Variants in PRB2 observed in about 807,000 individuals in gnomAD.
PRB2 encodes the protein basic salivary proline-rich protein 2.
A neutral mutation model predicts 8.3 loss-of-function variants in PRB2; 12 were observed. That is an observed-to-expected ratio of 1.45 (90% confidence interval 0.93 to 2.35). The LOEUF (loss-of-function observed/expected upper bound fraction) is 2.35. Among genes scored for constraint, PRB2 ranks in the 30% most tolerant of loss-of-function variants. The probability of loss-of-function intolerance (pLI) is 0.00; values close to 1 mark genes in which losing one functional copy is unlikely to be tolerated. For missense variants in PRB2, 470 were observed against 507.0 expected, an observed-to-expected ratio of 0.93 and a Z score of 0.70; for synonymous variants, 146 against 180.0, an observed-to-expected ratio of 0.81 and a Z score of 1.51.
intron 1 of PRB2, among the ~76,000 whole-genome samples, chr12:11,395,097 T>G (rs1320404176): frequency 1.3e-5 from 2 of 152,158 alleles, no homozygotes; most frequent in East Asian, 3.9e-4. Flanking sequence ...TCATCGATGC[T>G]GATGCACTGT....
intron 2 of PRB2, among the ~76,000 whole-genome samples, chr12:11,394,248 C>T (rs117802574): frequency 1.1e-3 from 169 of 152,268 alleles, no homozygotes; most frequent in Non-Finnish European, 2.2e-3. Context: ...CCAGCAGGCA[C>T]TCCTGGCCAG....
chr12:11,394,624 C>T (rs935495828), intron 1 of PRB2, 94 bp from the exon 2 acceptor site: 8 of 1,434,996 alleles, frequency 5.6e-6, no homozygotes, highest in Admixed American at 3.4e-5. Flanking sequence ...TCTCACCACA[C>T]CCCATGCATC....
intron 2 of PRB2, 81 bp downstream of exon 2, chr12:11,394,414 G>A: frequency 1.3e-6 from 2 of 1,508,556 alleles, no homozygotes; most frequent in East Asian, 2.3e-5. Flanking sequence ...GGAAAGTTTT[G>A]ATAAGAAGAC....
chr12:11,394,002 A>G lies in PRB2; in HGVS notation c.101-25T>C, dbSNP rs1262413667. 6.8e-6 allele frequency: 11 copies of G among 1,613,858 alleles called. No individual in the cohort carries two copies. The South Asian group carries it at 8.8e-5, about 13-fold the overall frequency. ...CCTGGAGAACAAAGAGAGAAGAGAA[A>G]GACAGAGTAAAAGCCCATACAAGAT... is the stretch of plus-strand genomic sequence containing the variant. On this transcript the variant is annotated intron_variant, in intron 2 of 3. Transcript: ENST00000389362.
rs1242506201 is a variant in PRB2, at chr12:11,392,829, A to C, written c.1249T>G (p.Ter417GlyextTer10). The C allele has an allele frequency of 2.6e-6, 4 of 1,515,870 alleles. No individual in the cohort carries two copies. The highest frequency in any genetic ancestry group is 4.2e-5 in the Admixed American group (2 of 48,134). 93.9% of individuals were successfully genotyped at this position (1,515,870 alleles called of 1,614,324 possible). Residue 417 changes from the stop codon to glycine (G), a stop_lost, in exon 3 of 4, where the codon TGA becomes GGA. Transcript: ENST00000389362. ...ATCCTAGATGACTGGGGAGGCTGTC[A>C]CTGGGGAGGTCTGGAAGGTCTGCCC... ...QGGRPSRPPQ[*>G]
intron 1 of PRB2, among the ~76,000 whole-genome samples, chr12:11,395,091 C>T (rs956937489): frequency 2.0e-5 from 3 of 152,130 alleles, no homozygotes; most frequent in Non-Finnish European, 2.9e-5. Context: ...TCGCCGTCAT[C>T]GATGCTGATG....
At chr12:11,395,068 CTG>C (rs1411638041) in intron 1 of PRB2, among the ~76,000 whole-genome samples, 9 of 152,144 alleles carry the variant, frequency 5.9e-5, no homozygotes, top group African/African-American at 2.2e-4. Flanking sequence ...ATCTCTGATA[CTG>C]TGTGTGTCTA....
Position 11,394,491 on chromosome 12 carries a change from T to A in PRB2, c.100+4A>T. 6.2e-7 allele frequency: 1 copy of A among 1,612,732 alleles called. No individual in the cohort carries two copies. Among genetic ancestry groups the A allele is most frequent in the Non-Finnish European group, 8.5e-7 (1 of 1,178,734 alleles). On this transcript the variant is annotated splice_donor_region_variant and intron_variant, in intron 2 of 3. Transcript: ENST00000389362. ...GAACAGATTGAGAATGAATCGGGAT[T>A]TACCTGCTATTAGGGAGGGAGATTC...
In PRB2 at chr12:11,391,666, G is replaced by A. The variant is rs1249386454; in HGVS notation, c.*34-18C>T. On this transcript the variant is annotated intron_variant, in intron 3 of 3. Transcript: ENST00000389362. ...TTCACTTCCTGAAACAAACAAACAA[G>A]GAAGTTCATAGACCAGACTTGACAT... 2.3e-6 allele frequency: 1 copy of A among 429,780 alleles called. No homozygotes were observed. Among genetic ancestry groups the A allele is most frequent in the Non-Finnish European group, 4.6e-6 (1 of 216,002 alleles). The allele number at this position is 429,780 out of a possible 1,614,324, so 26.6% of individuals were successfully genotyped here. A position where few individuals can be genotyped will look rare whatever the true frequency, so the allele number is the denominator to read the frequency against.
rs397832893 is a variant in PRB2 at position 11,395,453 on chromosome 12, C to G, written c.64+13G>C. ...AAGCAGAGTCACCACATCTTCTCCC[C>G]CTTCTGTTTTACCTTCATTTAAGTT... is the stretch of plus-strand genomic sequence containing the variant. On this transcript the variant is annotated intron_variant, in intron 1 of 3. Transcript: ENST00000389362. 3.1e-6 allele frequency: 5 copies of G among 1,613,850 alleles called. No homozygotes were observed. Among genetic ancestry groups the G allele is most frequent in the East Asian group, 2.2e-5 (1 of 44,874 alleles).
At position 11,392,882 on chromosome 12, in the gene PRB2, G is replaced by A. The variant is rs1262386015; in HGVS notation, c.1196C>T (p.Pro399Leu). The A allele has an allele frequency of 1.3e-6, 2 of 1,593,292 alleles. No individual in the cohort carries two copies. The highest frequency in any genetic ancestry group is 2.3e-5 in the East Asian group (1 of 44,078). ...TTGAGGAGGGCGTGGTGGTCCCTGG[G>A]GCTGTCCAGCAGGAGGTGCCTGAGG... ...QQPQAPPAGQPQGPPRPPQGG... is the reference protein window; with the variant it reads ...QQPQAPPAGQLQGPPRPPQGG... The change falls in exon 3 of 4, where the codon CCC becomes CTC. Residue 399 changes from proline (P) to leucine (L), a missense_variant. Pro to Leu is a moderately conservative substitution (Grantham distance 98, BLOSUM62 -3). Coordinates refer to ENST00000389362, the MANE Select transcript of PRB2 (RefSeq NM_006248.4).
In PRB2 at chr12:11,392,928, C is replaced by G; in HGVS notation, c.1150G>C (p.Ala384Pro). 1.2e-6 allele frequency: 2 copies of G among 1,607,958 alleles called. No homozygotes were observed. Among genetic ancestry groups the G allele is most frequent in the East Asian group, 2.2e-5 (1 of 44,514 alleles). ...GNNPQGPPPP[A>P]GGNPQQPQAP... ...TGAGGCTGCTGGGGATTGCCTCCTG[C>G]TGGAGGTGGGGGACCTTGAGGATTG... is the stretch of plus-strand genomic sequence containing the variant. The change falls in exon 3 of 4, where the codon GCA becomes CCA. Residue 384 changes from alanine (A) to proline (P), a missense_variant. Ala to Pro is a conservative substitution (Grantham distance 27, BLOSUM62 -1). This residue lies in a region of PRB2 where 205 missense variants were observed against 195.0 expected (regional missense o/e 1.05). Coordinates refer to ENST00000389362, the MANE Select transcript of PRB2 (RefSeq NM_006248.4).
At position 11,391,552 on chromosome 12, in the gene PRB2, T is replaced by G; in HGVS notation, c.*130A>C. 2.6e-6 allele frequency: 1 copy of G among 379,886 alleles called. No individual in the cohort carries two copies. Among genetic ancestry groups the G allele is most frequent in the South Asian group, 2.0e-5 (1 of 51,178 alleles). The allele number at this position is 379,886 out of a possible 1,614,324, so 23.5% of individuals were successfully genotyped here. ...CCACAATCAGAAATTGCAAGCTAAT[T>G]ATTTTATTGGTATACAGAAGTTAGA... On this transcript the variant is annotated 3_prime_UTR_variant, in exon 4 of 4. Coordinates refer to ENST00000389362, the MANE Select transcript of PRB2 (RefSeq NM_006248.4).
At chr12:11,394,254 G>T (rs536707886) in intron 2 of PRB2, among the ~76,000 whole-genome samples, 1 of 152,242 alleles carries the variant, frequency 6.6e-6, no homozygotes, top group Non-Finnish European at 1.5e-5. Flanking sequence ...GGCACTCCTG[G>T]CCAGGGGGAT....
intron 3 of PRB2, among the ~76,000 whole-genome samples, chr12:11,392,089 T>C (rs1864332295): frequency 2.3e-5 from 1 of 43,730 alleles, no homozygotes; most frequent in Non-Finnish European, 4.2e-5. Context: ...CTTAGCTTCA[T>C]AGACGTATGT....
chr12:11,394,072 C>T, intron 2 of PRB2, 95 bp from the exon 3 acceptor site: 2 of 1,514,074 alleles, frequency 1.3e-6, no homozygotes, highest in Non-Finnish European at 1.8e-6. Context: ...GGGTAACAAG[C>T]TGAGTGGGGA....
At chr12:11,391,774 C>A (rs1391676120) in intron 3 of PRB2, 126 bp from the exon 4 acceptor site, 2 of 216,456 alleles carry the variant, frequency 9.2e-6, no homozygotes, top group South Asian at 6.0e-5. Context: ...TCCCTTCTAC[C>A]TCCTGTGTTT....
intron 1 of PRB2, among the ~76,000 whole-genome samples, 185 bp from the exon 2 acceptor site, chr12:11,394,715 C>T (rs187541743): frequency 0.017 from 2,625 of 152,230 alleles, 82 homozygotes; most frequent in African/African-American, 0.058. Context: ...GTTGTTATGA[C>T]AGAGCAACAG....
At chr12:11,395,437 C>T (rs1377900032) in intron 1 of PRB2, 29 bp downstream of exon 1, 1 of 1,613,760 alleles carries the variant, frequency 6.2e-7, no homozygotes, top group South Asian at 1.1e-5. Context: ...CAAGCAGAGT[C>T]ACCACATCTT....
Sources: allele counts gnomAD v4.1 joint callset (sites outside exome capture counted in the v4.1 genomes callset), GRCh38; gene constraint gnomAD v4.1.1; regional missense constraint gnomAD v4.1.1; transcripts MANE v1.5; gene names NCBI Gene and HGNC (gene_info 2026-07-23, HGNC 2026-07-21).